Variants in PIP4K2A observed in about 807,000 individuals in gnomAD.
PIP4K2A encodes the protein phosphatidylinositol-5-phosphate 4-kinase type 2 alpha, also known as phosphatidylinositol 5-phosphate 4-kinase type-2 alpha.
In PIP4K2A, 14 loss-of-function variants were observed where a neutral mutation model predicts 42.9. The observed-to-expected ratio is 0.33, with a 90% confidence interval of 0.22 to 0.51. The LOEUF (loss-of-function observed/expected upper bound fraction) is 0.51. Among genes scored for constraint, PIP4K2A ranks in the 20% least tolerant of loss-of-function variants. The pLI is 0.97. For synonymous variants in PIP4K2A, 192 were observed against 192.2 expected (o/e 1.00, Z 0.01); for missense variants, 434 against 519.8 (o/e 0.83, Z 1.61).
chr10:22,706,985 A>T (rs949340531), intron 1 of PIP4K2A, among the ~76,000 whole-genome samples: 4 of 151,688 alleles, frequency 2.6e-5, no homozygotes, highest in African/African-American at 7.3e-5. Context: ...CATTTAAGAT[A>T]TTAAAAAAAA....
chr10:22,566,308 A>C (rs4748816), intron 6 of PIP4K2A, among the ~76,000 whole-genome samples: 89,529 of 151,936 alleles, frequency 0.59, 26,857 homozygotes, highest in South Asian at 0.78. Context: ...TGCTTAGGAA[A>C]AACAGAAAAG....
chr10:22,642,619 T>TAGAG (rs1838803948), intron 1 of PIP4K2A, among the ~76,000 whole-genome samples: 1 of 47,238 alleles, frequency 2.1e-5, no homozygotes, highest in Non-Finnish European at 4.7e-5. Flanking sequence ...TGTCTCTATA[T>TAGAG]ACACACACAC....
chr10:22,568,183 T>C (rs1836895869), intron 5 of PIP4K2A, among the ~76,000 whole-genome samples: 1 of 152,324 alleles, frequency 6.6e-6, no homozygotes, highest in South Asian at 2.1e-4. Context: ...AACCTGACCA[T>C]CACTTACTTG....
chr10:22,644,479 C>G (rs1251979557), intron 1 of PIP4K2A, among the ~76,000 whole-genome samples: 1 of 152,192 alleles, frequency 6.6e-6, no homozygotes, highest in African/African-American at 2.4e-5. Context: ...CAAGTCCTCA[C>G]CTTGGCTAAA....
intron 3 of PIP4K2A, among the ~76,000 whole-genome samples, chr10:22,607,027 A>C (rs1483775608): frequency 6.7e-6 from 1 of 149,462 alleles, no homozygotes; most frequent in Admixed American, 6.6e-5. Flanking sequence ...TGTGTTGAGC[A>C]CTTAACTGTG....
intron 8 of PIP4K2A, among the ~76,000 whole-genome samples, chr10:22,540,682 A>C (rs892387692): frequency 2.0e-5 from 3 of 152,098 alleles, no homozygotes; most frequent in Admixed American, 2.0e-4. Context: ...CAGCCTGCCG[A>C]GTAGCCGGGA....
intron 3 of PIP4K2A, among the ~76,000 whole-genome samples, chr10:22,604,432 G>C (rs554616910): frequency 6.6e-6 from 1 of 151,758 alleles, no homozygotes; most frequent in Non-Finnish European, 1.5e-5. Context: ...GAATGGAAAG[G>C]TCTGAATACG....
chr10:22,708,344 A>G (rs955064869), intron 1 of PIP4K2A, among the ~76,000 whole-genome samples: 1 of 152,146 alleles, frequency 6.6e-6, no homozygotes, highest in South Asian at 2.1e-4. Context: ...CTCAAAGCCA[A>G]GTGTCCCCAG....
At chr10:22,628,734 T>C (rs577733503) in intron 1 of PIP4K2A, among the ~76,000 whole-genome samples, 1 of 152,336 alleles carries the variant, frequency 6.6e-6, no homozygotes, top group South Asian at 2.1e-4. Context: ...AGAGTTATTC[T>C]ATAGAAAGCA....
At chr10:22,638,861 C>G (rs934268433) in intron 1 of PIP4K2A, among the ~76,000 whole-genome samples, 11 of 152,116 alleles carry the variant, frequency 7.2e-5, no homozygotes, top group Non-Finnish European at 1.5e-5. Context: ...GTGTAAGAAT[C>G]TTAGTAGTGA....
intron 1 of PIP4K2A, among the ~76,000 whole-genome samples, chr10:22,683,113 A>G (rs1452345172): frequency 1.9e-4 from 29 of 152,198 alleles, no homozygotes; most frequent in Admixed American, 1.9e-3. Flanking sequence ...ACAGTACAGT[A>G]TAAATAAAAA....
chr10:22,640,106 A>T (rs1838749741), intron 1 of PIP4K2A, among the ~76,000 whole-genome samples: 1 of 150,256 alleles, frequency 6.7e-6, no homozygotes. Context: ...TTTGATTGGA[A>T]TTGAAAGCTA....
At chr10:22,600,629 C>T (rs565873578) in intron 3 of PIP4K2A, among the ~76,000 whole-genome samples, 31 of 152,296 alleles carry the variant, frequency 2.0e-4, no homozygotes, top group African/African-American at 6.7e-4. Context: ...CACTGCCCTG[C>T]TGACAGCTCA....
At chr10:22,653,734 C>T (rs529350102) in intron 1 of PIP4K2A, among the ~76,000 whole-genome samples, 2 of 152,032 alleles carry the variant, frequency 1.3e-5, no homozygotes, top group Admixed American at 6.6e-5. Flanking sequence ...GCCGGCATGG[C>T]GAAATCCTGT....
intron 1 of PIP4K2A, among the ~76,000 whole-genome samples, chr10:22,704,079 A>G (rs1833763937): frequency 6.6e-6 from 1 of 152,204 alleles, no homozygotes; most frequent in Non-Finnish European, 1.5e-5. Flanking sequence ...ATAGAGCCCA[A>G]GAGGAAAGTT....
At chr10:22,605,554 C>G (rs900728660) in intron 3 of PIP4K2A, among the ~76,000 whole-genome samples, 9 of 152,312 alleles carry the variant, frequency 5.9e-5, no homozygotes, top group Non-Finnish European at 1.2e-4. Flanking sequence ...CAGTGCAGAA[C>G]TCAGACCATA....
At chr10:22,623,179 A>T (rs957702188) in intron 1 of PIP4K2A, among the ~76,000 whole-genome samples, 9 of 152,240 alleles carry the variant, frequency 5.9e-5, no homozygotes, top group Admixed American at 4.6e-4. Context: ...TTTTAAAAAA[A>T]AAGGTTACAC....
At chr10:22,701,006 C>T (rs992856623) in intron 1 of PIP4K2A, among the ~76,000 whole-genome samples, 1 of 152,036 alleles carries the variant, frequency 6.6e-6, no homozygotes, top group Non-Finnish European at 1.5e-5. Flanking sequence ...TGCCACATAC[C>T]CTTTATGCTT....
At chr10:22,577,897 G>A (rs571805684) in intron 4 of PIP4K2A, among the ~76,000 whole-genome samples, 4 of 152,282 alleles carry the variant, frequency 2.6e-5, no homozygotes, top group African/African-American at 9.6e-5. Flanking sequence ...CTGGATCCTG[G>A]CTTGAACGTA....
Sources: allele counts gnomAD v4.1 joint callset (sites outside exome capture counted in the v4.1 genomes callset), GRCh38; gene constraint gnomAD v4.1.1; transcripts MANE v1.5; gene names NCBI Gene and HGNC (gene_info 2026-07-23, HGNC 2026-07-21).